TAF6L: variants seen among roughly 807,000 people sequenced by gnomAD.
The protein encoded by TAF6L is TATA-box binding protein associated factor 6 like, also known as TAF6-like RNA polymerase II p300/CBP-associated factor-associated factor 65 kDa subunit 6L.
Under a neutral mutation model 57.3 loss-of-function variants are expected in TAF6L, and 34 were observed. The ratio of observed to expected loss-of-function variants is 0.59; its 90% confidence interval spans 0.45 to 0.79. TAF6L has a LOEUF of 0.79. Ranked by LOEUF, TAF6L falls within the 30% of genes least tolerant of loss-of-function variation. The probability of loss-of-function intolerance (pLI) is 0.00; values close to 1 mark genes in which losing one functional copy is unlikely to be tolerated. For synonymous variants in TAF6L, 417 were observed against 376.3 expected, an observed-to-expected ratio of 1.11 and a Z score of -1.25; for missense variants, 782 against 853.2, an observed-to-expected ratio of 0.92 and a Z score of 1.04.
intron 6 of TAF6L, among the ~76,000 whole-genome samples, chr11:62,780,936 C>CA (rs1302371766): frequency 0.032 from 1,680 of 52,022 alleles, 41 homozygotes; most frequent in African/African-American, 0.099. Context: ...GACTCCATCT[C>CA]AAAAAAAAAA....
At chr11:62,781,410 A>G (rs1286924583) in intron 6 of TAF6L, among the ~76,000 whole-genome samples, 2 of 151,836 alleles carry the variant, frequency 1.3e-5, no homozygotes, top group African/African-American at 4.8e-5. Context: ...GCGGTGGCTC[A>G]CGCCTGTAAT....
chr11:62,779,952 C>CCATATATA (rs1332185092), intron 6 of TAF6L, among the ~76,000 whole-genome samples: 1 of 100,062 alleles, frequency 1.0e-5, no homozygotes, highest in African/African-American at 4.5e-5. Flanking sequence ...AGGCGTGAGC[C>CCATATATA]TATATATATA....
At chr11:62,782,073 TC>T (rs1415557951) in intron 7 of TAF6L, 39 bp from the exon 8 acceptor site, 1 of 1,587,332 alleles carries the variant, frequency 6.3e-7, no homozygotes, top group South Asian at 1.2e-5. Flanking sequence ...CTCCTGCCTG[TC>T]CCCTCATGTC....
At position 62,786,930 on chromosome 11, in the gene TAF6L, C is replaced by A; in HGVS notation, c.1503C>A (p.Ser501Arg). ...SAIVSPHGDE[S>R]PRGSGGGGPA... is the part of the protein sequence containing the mutation. ...TAGTCAGCCCGCACGGCGACGAGAG[C>A]CCCCGGGGCAGCGGCGGAGGCGGCC... Residue 501 changes from serine (S) to arginine (R), a missense_variant, in exon 11 of 11, where the codon AGC becomes AGA. Physicochemically the swap from Ser to Arg is moderately radical, Grantham distance 110 (BLOSUM62 -1). This residue lies in a region of TAF6L where 483 missense variants were observed against 445.1 expected (regional missense o/e 1.09). Coordinates refer to ENST00000294168, the MANE Select transcript of TAF6L (RefSeq NM_006473.4). The A allele has an allele frequency of 6.8e-7, 1 of 1,477,334 alleles. No individual in the cohort carries two copies. The highest frequency in any genetic ancestry group is 8.9e-7 in the Non-Finnish European group (1 of 1,123,258). 91.5% of individuals were successfully genotyped at this position (1,477,334 alleles called of 1,614,324 possible).
chr11:62,784,231 G>T lies in TAF6L; in HGVS notation c.960+1406G>T, dbSNP rs375066960. ...TCTCAATCTCTGGACCTCGTGTTCC[G>T]CCCGCCTCGGCTTCCCAAAGTGCTG... is the stretch of plus-strand genomic sequence containing the variant. On this transcript the variant is annotated intron_variant, in intron 9 of 10. Coordinates refer to ENST00000294168, the MANE Select transcript of TAF6L (RefSeq NM_006473.4). Among the ~76,000 whole-genome samples, 5 of 150,166 alleles carry T rather than the reference G, an allele frequency of 3.3e-5. No individual in the cohort carries two copies. The East Asian group carries it at 5.9e-4, about 18-fold the overall frequency.
Position 62,783,687 on chromosome 11 carries a change from A to G in TAF6L, c.960+862A>G, listed in dbSNP as rs561104012. On this transcript the variant is annotated intron_variant, in intron 9 of 10. Transcript: ENST00000294168. Reference sequence around the variant, plus strand: ...GTAGCTGGGATTACAGGCACGTGCCACCATGCCCACCTAACTTGTATTTTT... The same window carrying G: ...GTAGCTGGGATTACAGGCACGTGCCGCCATGCCCACCTAACTTGTATTTTT... 6.6e-4 allele frequency among the ~76,000 whole-genome samples: 100 copies of G among 151,776 alleles called. No homozygotes were observed. The South Asian group carries it at 0.014, about 21-fold the overall frequency.
At chr11:62,783,537 T>C (rs2084246771) in intron 9 of TAF6L, among the ~76,000 whole-genome samples, 1 of 146,234 alleles carries the variant, frequency 6.8e-6, no homozygotes, top group Non-Finnish European at 1.5e-5. Context: ...GGGAGGATCT[T>C]TTTTTTTTTT....
intron 10 of TAF6L, 33 bp from the exon 11 acceptor site, chr11:62,786,484 T>C (rs1476487195): frequency 6.3e-7 from 1 of 1,577,608 alleles, no homozygotes; most frequent in Non-Finnish European, 8.6e-7. Context: ...GTTCCTCGAA[T>C]TTTTTGCCTA....
At position 62,782,588 on chromosome 11, in the gene TAF6L, A is replaced by G. The variant is rs1355615200; in HGVS notation, c.828-105A>G. 9.3e-6 allele frequency: 14 copies of G among 1,505,266 alleles called. No individual in the cohort carries two copies. The East Asian group carries it at 3.2e-4, about 34-fold the overall frequency. The allele number at this position is 1,505,266 out of a possible 1,614,324, so 93.2% of individuals were successfully genotyped here. A position where few individuals can be genotyped will look rare whatever the true frequency, so the allele number is the denominator to read the frequency against. On this transcript the variant is annotated intron_variant, in intron 8 of 10. Coordinates refer to ENST00000294168, the MANE Select transcript of TAF6L (RefSeq NM_006473.4). ...GCAGCCTTCTTCACTTAACCCCAGC[A>G]CTCCCGAGTGTGCTGTACAGATGCT... is the stretch of plus-strand genomic sequence containing the variant.
intron 1 of TAF6L, among the ~76,000 whole-genome samples, chr11:62,773,938 A>G (rs992640435): frequency 2.0e-5 from 3 of 152,148 alleles, no homozygotes; most frequent in Non-Finnish European, 4.4e-5. Context: ...AAGGTCCTAA[A>G]ATAGGTGTAT....
At chr11:62,783,733 A>G (rs2134720335) in intron 9 of TAF6L, among the ~76,000 whole-genome samples, 1 of 151,560 alleles carries the variant, frequency 6.6e-6, no homozygotes, top group Non-Finnish European at 1.5e-5. Flanking sequence ...CAGTTTCATC[A>G]TGTTAGCCAG....
Position 62,787,108 on chromosome 11 carries a change from C to A in TAF6L, c.1681C>A (p.Arg561Ser). Residue 561 changes from arginine (R) to serine (S), a missense_variant, in exon 11 of 11, where the codon CGT becomes AGT. Physicochemically the swap from Arg to Ser is moderately radical, Grantham distance 110. Transcript: ENST00000294168. ...CGCCCCGCGCGGCGCCCCGCACTTTCGTTTCATCATAGCCGGGCGGCAGGC... is the reference window on the plus strand; with the variant it reads ...CGCCCCGCGCGGCGCCCCGCACTTTAGTTTCATCATAGCCGGGCGGCAGGC... ...RFAPRGAPHFRFIIAGRQAGR... is the reference protein window; with the variant it reads ...RFAPRGAPHFSFIIAGRQAGR... 6.5e-7 allele frequency: 1 copy of A among 1,549,456 alleles called. No homozygotes were observed. Among genetic ancestry groups the A allele is most frequent in the South Asian group, 1.2e-5 (1 of 85,876 alleles).
chr11:62,779,976 ATT>A (rs1277954265), intron 6 of TAF6L, among the ~76,000 whole-genome samples: 12,181 of 52,116 alleles, frequency 0.23, 1,119 homozygotes, highest in Non-Finnish European at 0.32. Context: ...ATATATATAT[ATT>A]TTTTTTTTTT....
rs748715125 is a variant in TAF6L, at chr11:62,787,307, C to G, written c.*11C>G. 2.6e-6 allele frequency: 4 copies of G among 1,530,084 alleles called. No individual in the cohort carries two copies. Among genetic ancestry groups the G allele is most frequent in the South Asian group, 1.2e-5 (1 of 82,108 alleles). 94.8% of individuals were successfully genotyped at this position (1,530,084 alleles called of 1,614,324 possible). ...TACTTGCCGCTCTGAGTCAGTGGCCCCTTCGTTCCTTGTAAATAAATCCCG... is the reference window on the plus strand; with the variant it reads ...TACTTGCCGCTCTGAGTCAGTGGCCGCTTCGTTCCTTGTAAATAAATCCCG... On this transcript the variant is annotated 3_prime_UTR_variant, in exon 11 of 11. Transcript: ENST00000294168.
intron 6 of TAF6L, among the ~76,000 whole-genome samples, chr11:62,779,411 G>A (rs1036453295): frequency 2.0e-5 from 3 of 151,774 alleles, no homozygotes; most frequent in African/African-American, 7.3e-5. Flanking sequence ...TAGCCAGGAT[G>A]GTCTTGATCT....
chr11:62,775,883 G>A lies in TAF6L; in HGVS notation c.100G>A (p.Ala34Thr), dbSNP rs144181281. The A allele has an allele frequency of 2.8e-5, 45 of 1,613,876 alleles. No individual in the cohort carries two copies. The highest frequency in any genetic ancestry group is 3.8e-5 in the Non-Finnish European group (45 of 1,179,994). ...CCTGGAGCTGAGCGATGAGGTGGCG[G>A]CGCTGCTCGCAGAGGACGTGTGCTA... ...TGLELSDEVA[A>T]LLAEDVCYRL... is the part of the protein sequence containing the mutation. The change falls in exon 2 of 11, where the codon GCG becomes ACG. Residue 34 changes from alanine (A) to threonine (T), a missense_variant. Ala to Thr is a moderately conservative substitution (Grantham distance 58). Coordinates refer to ENST00000294168, the MANE Select transcript of TAF6L (RefSeq NM_006473.4).
chr11:62,776,318 A>G (rs1017489551), intron 2 of TAF6L, 66 bp from the exon 3 acceptor site: 1 of 1,542,516 alleles, frequency 6.5e-7, no homozygotes, highest in African/African-American at 1.4e-5. Flanking sequence ...GGCCCACTTC[A>G]TTTGGGGTTT....
chr11:62,777,605 G>C (rs1441733817), intron 3 of TAF6L, among the ~76,000 whole-genome samples: 3 of 152,184 alleles, frequency 2.0e-5, no homozygotes, highest in Non-Finnish European at 4.4e-5. Context: ...CAACAGTGTG[G>C]GTGTTAGGGC....
intron 1 of TAF6L, 83 bp from the exon 2 acceptor site, chr11:62,775,688 G>A: frequency 1.2e-5 from 17 of 1,441,048 alleles, no homozygotes; most frequent in Non-Finnish European, 1.6e-5. Context: ...GAGCAGCAAG[G>A]CTGGTGTGGA....
Sources: gnomAD v4.1 joint callset for allele counts (sites outside exome capture counted in the v4.1 genomes callset) on GRCh38, gnomAD v4.1.1 for gene constraint, gnomAD v4.1.1 regional missense constraint, MANE v1.5 for transcripts, NCBI Gene and HGNC (gene_info 2026-07-23, HGNC 2026-07-21) for gene names.